CMYA5: variants seen among roughly 807,000 people sequenced by gnomAD.
CMYA5 encodes the protein cardiomyopathy associated 5, also known as cardiomyopathy-associated protein 5.
In CMYA5, 246 loss-of-function variants were observed where a neutral mutation model predicts 318.9. The ratio of observed to expected loss-of-function variants is 0.77; its 90% CI spans 0.70 to 0.86. The LOEUF (loss-of-function observed/expected upper bound fraction) is 0.86, where lower values mean the gene tolerates loss of function less well. Ranked by LOEUF, CMYA5 falls within the 40% of genes least tolerant of loss-of-function variation. The probability of loss-of-function intolerance (pLI) is 0.00; values close to 1 mark genes in which losing one functional copy is unlikely to be tolerated. For missense variants in CMYA5, 4,589 were observed against 4,678.2 expected (o/e 0.98, Z 0.56); for synonymous variants, 1,641 against 1,729.5 (o/e 0.95, Z 1.27).
chr5:79,799,051 T>C (rs1376889293), intron 12 of CMYA5, among the ~76,000 whole-genome samples: 1 of 152,208 alleles, frequency 6.6e-6, no homozygotes, highest in African/African-American at 2.4e-5. Flanking sequence ...ACGCCATGAA[T>C]GCGGTAGTTA....
At chr5:79,789,179 A>G in intron 10 of CMYA5, 75 bp downstream of exon 10, 1 of 1,531,402 alleles carries the variant, frequency 6.5e-7, no homozygotes. Context: ...AAGATGTCCT[A>G]GAGGGCAACT....
intron 9 of CMYA5, among the ~76,000 whole-genome samples, chr5:79,767,756 G>A (rs964188965): frequency 4.6e-5 from 7 of 152,194 alleles, no homozygotes; most frequent in Non-Finnish European, 1.0e-4. Context: ...GTGCAATGTG[G>A]TGCTGAGAAG....
chr5:79,731,779 A>C lies in CMYA5; in HGVS notation c.3014A>C (p.Gln1005Pro), dbSNP rs759331266. 1.9e-6 allele frequency: 3 copies of C among 1,613,328 alleles called. No individual in the cohort carries two copies. Among genetic ancestry groups the C allele is most frequent in the East Asian group, 4.5e-5 (2 of 44,872 alleles). ...AELFSPDSAS[Q>P]VSIPPFRISE... The stretch of plus-strand genomic sequence containing the variant: ...CTGTTCTCTCCAGACTCAGCATCAC[A>C]AGTTTCAATCCCTCCCTTTAGAATC... Residue 1005 changes from glutamine (Q) to proline (P), a missense_variant, in exon 2 of 13, where the codon CAA becomes CCA. Physicochemically the swap from Gln to Pro is moderately conservative, Grantham distance 76. Around this residue, in one of 3 missense-constraint regions of CMYA5, gnomAD observed 2,132 missense variants for 2,131.3 expected, o/e 1.00. Coordinates refer to ENST00000446378, the MANE Select transcript of CMYA5 (RefSeq NM_153610.5).
At chr5:79,702,498 A>G (rs1175995043) in intron 1 of CMYA5, among the ~76,000 whole-genome samples, 5 of 152,232 alleles carry the variant, frequency 3.3e-5, no homozygotes, top group African/African-American at 9.6e-5. Flanking sequence ...TAAGTCAGAT[A>G]CAAAGGAAAA....
chr5:79,739,355 C>A lies in CMYA5; in HGVS notation c.10590C>A (p.His3530Gln), dbSNP rs1210693594. ...ISATDKVFGT[H>Q]KDHEVSTLDT... Reference sequence around the variant, plus strand: ...CCACTGACAAGGTGTTTGGCACCCACAAAGACCATGAAGTTTCAACGCTTG... The same window carrying A: ...CCACTGACAAGGTGTTTGGCACCCAAAAAGACCATGAAGTTTCAACGCTTG... The change falls in exon 2 of 13, where the codon CAC (histidine) becomes CAA (glutamine). Residue 3530 changes from histidine (H) to glutamine (Q), a missense_variant. Physicochemically the swap from His to Gln is conservative, Grantham distance 24. Transcript: ENST00000446378. The A allele has an allele frequency of 1.9e-6, 3 of 1,564,224 alleles. No homozygotes were observed. The highest frequency in any genetic ancestry group is 2.6e-6 in the Non-Finnish European group (3 of 1,154,886).
At chr5:79,751,921 A>G (rs1428227) in intron 5 of CMYA5, among the ~76,000 whole-genome samples, 25,810 of 152,160 alleles carry the variant, frequency 0.17, 2,922 homozygotes, top group East Asian at 0.54. Context: ...TGGGAGAACA[A>G]AGTTCCAACA....
chr5:79,701,077 T>A (rs1827165641), intron 1 of CMYA5, among the ~76,000 whole-genome samples: 1 of 103,080 alleles, frequency 9.7e-6, no homozygotes, highest in Admixed American at 9.8e-5. Flanking sequence ...AAACCCCATC[T>A]CTACTAAAAA....
At position 79,733,045 on chromosome 5, in the gene CMYA5, T is replaced by C. The variant is rs1457415613; in HGVS notation, c.4280T>C (p.Ile1427Thr). ...GTGGCAATTAAAGGTGCTTCTCCCA[T>C]TGAAACTTCATCCAAACATTTAGCT... ...DKVAIKGASP[I>T]ETSSKHLAWS... Residue 1427 changes from isoleucine to threonine, a missense_variant, in exon 2 of 13, where the codon ATT becomes ACT. This residue lies in a region of CMYA5 where 2,132 missense variants were observed against 2,131.3 expected (regional missense o/e 1.00). Transcript: ENST00000446378. 1 of 1,613,428 alleles carries C rather than the reference T, an allele frequency of 6.2e-7. No individual in the cohort carries two copies. The highest frequency in any genetic ancestry group is 8.5e-7 in the Non-Finnish European group (1 of 1,179,668).
chr5:79,703,122 C>A (rs978381801), intron 1 of CMYA5, among the ~76,000 whole-genome samples: 1 of 152,138 alleles, frequency 6.6e-6, no homozygotes, highest in African/African-American at 2.4e-5. Flanking sequence ...CAGCAGGGGG[C>A]CCCGGGCTAG....
At position 79,737,777 on chromosome 5, in the gene CMYA5, A is replaced by G. The variant is rs778122188; in HGVS notation, c.9012A>G (p.Leu3004=). ...DSETVACHKT[L]KSRLEDEKVT... is the part of the protein sequence containing the mutation. ...AAACAGTTGCTTGTCATAAAACATT[A>G]AAGAGCAGGTTAGAAGATGAAAAAG... The change falls in exon 2 of 13, where the codon TTA becomes TTG. Residue 3004 remains leucine, a synonymous_variant. Transcript: ENST00000446378. The G allele has an allele frequency of 3.1e-6, 5 of 1,611,806 alleles. 1 individual carries two copies. In the South Asian group the frequency reaches 5.5e-5, roughly 18 times the overall value.
chr5:79,774,310 G>A (rs1300427792), intron 9 of CMYA5: 1 of 152,210 alleles, frequency 6.6e-6, no homozygotes, highest in Non-Finnish European at 1.5e-5. Context: ...ACAATCCCCG[G>A]CTTGTGCGCG....
chr5:79,777,946 C>T (rs1328072828), intron 9 of CMYA5: 3 of 151,580 alleles, frequency 2.0e-5, no homozygotes, highest in Non-Finnish European at 4.4e-5. Flanking sequence ...ATGGTGAAAC[C>T]CCATCTCTAC....
rs149653925 is a variant in CMYA5 at position 79,799,712 on chromosome 5, C to A, written c.*96C>A. 1,404 of 1,448,326 alleles carry A rather than the reference C, an allele frequency of 9.7e-4. 12 individuals carry two copies. In the African/African-American group the frequency reaches 0.018, roughly 19 times the overall value. The allele number at this position is 1,448,326 out of a possible 1,614,324, so 89.7% of individuals were successfully genotyped here. A position where few individuals can be genotyped will look rare whatever the true frequency, so the allele number is the denominator to read the frequency against. On this transcript the variant is annotated 3_prime_UTR_variant, in exon 13 of 13. Transcript: ENST00000446378. ...TGCTATACATTATTCAAAAAGTCTC[C>A]CGCGCATTTGCACTAATGATGGCTG... is the stretch of plus-strand genomic sequence containing the variant.
At chr5:79,777,158 T>C (rs958735694) in intron 9 of CMYA5, among the ~76,000 whole-genome samples, 9 of 152,168 alleles carry the variant, frequency 5.9e-5, no homozygotes, top group Admixed American at 5.2e-4. Context: ...GTAATATAGC[T>C]CTTAAAAGTA....
chr5:79,758,911 G>C lies in CMYA5; in HGVS notation c.11260+9G>C. 1.9e-6 allele frequency: 3 copies of C among 1,560,504 alleles called. No individual in the cohort carries two copies. The highest frequency in any genetic ancestry group is 1.7e-6 in the Non-Finnish European group (2 of 1,152,852). On this transcript the variant is annotated intron_variant, in intron 7 of 12. Coordinates refer to ENST00000446378, the MANE Select transcript of CMYA5 (RefSeq NM_153610.5). ...TGATCAAGAAGTAAATGGTAGGATT[G>C]CTAACACAAATACAAATGCATATGC...
chr5:79,690,907 G>A (rs1041806589), intron 1 of CMYA5, among the ~76,000 whole-genome samples: 1 of 152,196 alleles, frequency 6.6e-6, no homozygotes, highest in African/African-American at 2.4e-5. Context: ...ATCAAAGCCA[G>A]CAGAGCCGAT....
At chr5:79,752,939 C>A in intron 6 of CMYA5, 145 bp downstream of exon 6, 1 of 563,834 alleles carries the variant, frequency 1.8e-6, no homozygotes, top group Non-Finnish European at 3.1e-6. Flanking sequence ...AATGTTACAG[C>A]TAGACTCTGA....
chr5:79,735,745 T>A lies in CMYA5; in HGVS notation c.6980T>A (p.Leu2327Ter), dbSNP rs908119057. The change falls in exon 2 of 13, where the codon TTG becomes TAG. Residue 2327 changes from leucine to a stop codon, truncating the protein, a stop_gained. Transcript: ENST00000446378. LOFTEE classifies it high-confidence loss of function. ...TCTTATTCACTAATCGGTGAGAAAT[T>A]GGTTATGGAAGAAGCCAAAACTATT... Reference protein sequence around the residue: ...IQSYSLIGEKLVMEEAKTIVP... With the variant: ...IQSYSLIGEK The A allele has an allele frequency of 6.3e-7, 1 of 1,587,200 alleles. No homozygotes were observed. The highest frequency in any genetic ancestry group is 1.9e-5 in the Admixed American group (1 of 53,678).
At chr5:79,717,603 G>A (rs1386999216) in intron 1 of CMYA5, among the ~76,000 whole-genome samples, 1 of 152,162 alleles carries the variant, frequency 6.6e-6, no homozygotes, top group Non-Finnish European at 1.5e-5. Context: ...GAAGAGTGAA[G>A]CCTATGTTTG....
Sources: gnomAD v4.1 joint callset for allele counts (sites outside exome capture counted in the v4.1 genomes callset) on GRCh38, gnomAD v4.1.1 for gene constraint, gnomAD v4.1.1 regional missense constraint, MANE v1.5 for transcripts, NCBI Gene and HGNC (gene_info 2026-07-23, HGNC 2026-07-21) for gene names.